The following FBXL13 variants were observed in gnomAD, a reference collection of about 807,000 sequenced individuals.
FBXL13 encodes the protein F-box and leucine-rich repeat protein 13.
A neutral mutation model predicts 83.6 loss-of-function variants in FBXL13; 67 were observed. That is an observed-to-expected ratio of 0.80 (90% CI 0.66 to 0.98). The LOEUF is 0.98. FBXL13 is among the 50% of genes least tolerant of loss of function. FBXL13 has a pLI of 0.00. For synonymous variants in FBXL13, 272 were observed against 299.5 expected (o/e 0.91, Z 0.95); for missense variants, 822 against 866.5 (o/e 0.95, Z 0.64).
intron 17 of FBXL13, among the ~76,000 whole-genome samples, chr7:102,843,494 G>A (rs1271435290): frequency 6.6e-6 from 1 of 152,030 alleles, no homozygotes; most frequent in Admixed American, 6.6e-5. Context: ...TTAAAGAAAG[G>A]CTGGGTACGG....
chr7:102,881,075 C>G (rs7779618), intron 14 of FBXL13, among the ~76,000 whole-genome samples: 28,663 of 152,046 alleles, frequency 0.19, 2,951 homozygotes, highest in East Asian at 0.43. Flanking sequence ...TATATTTAAT[C>G]ACGGATCTGA....
At chr7:102,931,456 G>C (rs1332195797) in intron 9 of FBXL13, among the ~76,000 whole-genome samples, 2 of 152,160 alleles carry the variant, frequency 1.3e-5, no homozygotes, top group African/African-American at 2.4e-5. Context: ...TGGAAGACAG[G>C]TTGGGGACAG....
Position 102,903,633 on chromosome 7 carries a change from G to C in FBXL13, c.1008+9453C>G, listed in dbSNP as rs139228875. On this transcript the variant is annotated intron_variant, in intron 11 of 19. Coordinates refer to ENST00000313221, the Ensembl canonical transcript of FBXL13. Reference sequence around the variant, plus strand: ...AGGGTTTTTCTTATGAAGGGATATTGAATTTTTTTTAATTTTTTTTCTCTC... The same window carrying C: ...AGGGTTTTTCTTATGAAGGGATATTCAATTTTTTTTAATTTTTTTTCTCTC... Among the ~76,000 whole-genome samples, 563 of 151,954 alleles carry C rather than the reference G, an allele frequency of 3.7e-3. 4 individuals carry two copies. Among genetic ancestry groups the C allele is most frequent in the African/African-American group, 0.013 (556 of 41,510 alleles).
At chr7:102,988,506 T>C (rs560562002) in intron 6 of FBXL13, 1 of 152,328 alleles carries the variant, frequency 6.6e-6, no homozygotes, top group African/African-American at 2.4e-5. Context: ...ATCAGCCATA[T>C]TGAAGGGAAA....
intron 17 of FBXL13, among the ~76,000 whole-genome samples, chr7:102,850,087 C>T (rs1488764764): frequency 6.6e-6 from 1 of 151,770 alleles, no homozygotes; most frequent in East Asian, 1.9e-4. Context: ...AAAATAAATA[C>T]ATGTCAGTTT....
Position 103,028,732 on chromosome 7 carries a change from CTA to C in FBXL13, c.83_84del (p.Ile28SerfsTer5). The C allele has an allele frequency of 6.3e-7, 1 of 1,584,330 alleles. No individual in the cohort carries two copies. Among genetic ancestry groups the C allele is most frequent in the South Asian group, 1.2e-5 (1 of 83,856 alleles). On this transcript the variant is annotated frameshift_variant, in exon 4 of 20. Coordinates refer to ENST00000313221, the Ensembl canonical transcript of FBXL13. LOFTEE classifies it high-confidence loss of function. ...AGGACGACATTTTCATTTGTACGAG[CTA>C]TGTCTCTCCAAGTGCTGCAGGCAGA...
At chr7:103,066,455 G>A (rs546551492) in intron 1 of FBXL13, among the ~76,000 whole-genome samples, 6 of 151,446 alleles carry the variant, frequency 4.0e-5, no homozygotes, top group Non-Finnish European at 7.4e-5. Context: ...GTAGCGGTGC[G>A]ATCTCGGCTC....
chr7:102,838,916 C>G (rs1045570919), intron 17 of FBXL13, among the ~76,000 whole-genome samples: 2 of 152,134 alleles, frequency 1.3e-5, no homozygotes, highest in Admixed American at 6.5e-5. Context: ...GATGGTCCCC[C>G]AGCCCGACAC....
In FBXL13 at chr7:103,003,289, T is replaced by G. The variant is rs1563205954; in HGVS notation, c.495+21774A>C. Reference sequence around the variant, plus strand: ...GTTGTTGTTTTGGGGTTTTTTTTTTTTTTTTTTTTTTTTTTTGAGACAGAC... The same window carrying G: ...GTTGTTGTTTTGGGGTTTTTTTTTTGTTTTTTTTTTTTTTTTGAGACAGAC... On this transcript the variant is annotated intron_variant, in intron 6 of 19. Coordinates refer to ENST00000313221, the Ensembl canonical transcript of FBXL13. 7.9e-5 allele frequency among the ~76,000 whole-genome samples: 10 copies of G among 126,028 alleles called. No individual in the cohort carries two copies. The South Asian group carries it at 2.2e-3, about 27-fold the overall frequency. 82.7% of individuals were successfully genotyped at this position (126,028 alleles called of 152,430 possible).
chr7:102,862,260 C>T (rs1485161117), intron 16 of FBXL13, among the ~76,000 whole-genome samples: 5 of 146,016 alleles, frequency 3.4e-5, no homozygotes, highest in African/African-American at 1.0e-4. Context: ...ACCCAGGAGG[C>T]GGAGGTTGCA....
chr7:102,908,592 A>G (rs1482138501), intron 11 of FBXL13, among the ~76,000 whole-genome samples: 2 of 152,216 alleles, frequency 1.3e-5, no homozygotes, highest in African/African-American at 4.8e-5. Flanking sequence ...GAGTGTTGTA[A>G]TCTAAGCTGT....
At chr7:103,052,797 C>T (rs1796955578) in intron 2 of FBXL13, among the ~76,000 whole-genome samples, 1 of 150,474 alleles carries the variant, frequency 6.6e-6, no homozygotes, top group African/African-American at 2.4e-5. Flanking sequence ...ATTCTGGTCG[C>T]CCAGGCTGGA....
intron 17 of FBXL13, among the ~76,000 whole-genome samples, chr7:102,854,428 G>A (rs1404756548): frequency 6.6e-6 from 1 of 152,144 alleles, no homozygotes; most frequent in Admixed American, 6.5e-5. Flanking sequence ...GCTAGATGAC[G>A]AGTTAGTGGG....
At chr7:102,998,102 A>C (rs151057872) in intron 6 of FBXL13, among the ~76,000 whole-genome samples, 1 of 152,098 alleles carries the variant, frequency 6.6e-6, no homozygotes, top group African/African-American at 2.4e-5. Flanking sequence ...ATAAAGGATG[A>C]TATCTCATTG....
chr7:103,042,686 C>A (rs1387430663), intron 2 of FBXL13, among the ~76,000 whole-genome samples: 1 of 152,200 alleles, frequency 6.6e-6, no homozygotes, highest in Non-Finnish European at 1.5e-5. Flanking sequence ...ACCATCTGAT[C>A]TTTGACAAAT....
chr7:102,862,328 CAAA>C (rs111697845), intron 16 of FBXL13, among the ~76,000 whole-genome samples: 5,235 of 96,784 alleles, frequency 0.054, 142 homozygotes, highest in East Asian at 0.17. Flanking sequence ...GAATCTGTCT[CAAA>C]AAAAAAAAAA....
chr7:103,012,089 G>C (rs1791696146), intron 6 of FBXL13, among the ~76,000 whole-genome samples: 1 of 151,980 alleles, frequency 6.6e-6, no homozygotes, highest in Non-Finnish European at 1.5e-5. Context: ...AAAAAAGGCA[G>C]CTAGGGCCGG....
intron 11 of FBXL13, among the ~76,000 whole-genome samples, chr7:102,907,028 A>G (rs2129467679): frequency 6.6e-6 from 1 of 152,086 alleles, no homozygotes; most frequent in Middle Eastern, 3.4e-3. Flanking sequence ...GCTGGAGTGC[A>G]GTGGCACAAA....
chr7:103,053,265 G>A (rs977218996), intron 2 of FBXL13, among the ~76,000 whole-genome samples: 4 of 151,852 alleles, frequency 2.6e-5, no homozygotes, highest in African/African-American at 9.7e-5. Flanking sequence ...TGATTCTCCT[G>A]CCTCAGCCTC....
Sources: allele counts gnomAD v4.1 joint callset (sites outside exome capture counted in the v4.1 genomes callset), GRCh38; gene constraint gnomAD v4.1.1; transcripts MANE v1.5; gene names NCBI Gene and HGNC (gene_info 2026-07-23, HGNC 2026-07-21).